The following SCN8A variants were observed in gnomAD, a reference collection of about 807,000 sequenced individuals.
SCN8A encodes sodium channel protein type 8 subunit alpha.
A neutral mutation model predicts 184.1 loss-of-function variants in SCN8A; 30 were observed. That is an observed-to-expected ratio of 0.16 (90% CI 0.12 to 0.22). The LOEUF (loss-of-function observed/expected upper bound fraction) is 0.22. Ranked by LOEUF, SCN8A falls within the 10% of genes least tolerant of loss-of-function variation. SCN8A has a pLI of 1.00. For missense variants in SCN8A, 1,057 were observed against 2,498.9 expected (o/e 0.42, Z 12.30); for synonymous variants, 852 against 907.0 (o/e 0.94, Z 1.09).
At chr12:51,631,260 T>C (rs1940190698) in intron 1 of SCN8A, among the ~76,000 whole-genome samples, 1 of 152,322 alleles carries the variant, frequency 6.6e-6, no homozygotes, top group East Asian at 1.9e-4. Context: ...TCCTCCCTGC[T>C]GGGAGCAGGT....
chr12:51,722,031 G>A (rs1175129184), intron 12 of SCN8A, 123 bp downstream of exon 12: 2 of 1,530,544 alleles, frequency 1.3e-6, no homozygotes, highest in African/African-American at 1.4e-5. Context: ...CATCCCACTT[G>A]GTCTGTCTGG....
At chr12:51,657,974 G>A (rs1459832993) in intron 1 of SCN8A, among the ~76,000 whole-genome samples, 2 of 152,002 alleles carry the variant, frequency 1.3e-5, no homozygotes, top group Non-Finnish European at 2.9e-5. Flanking sequence ...CCATTGGTCT[G>A]TGTGTCTTTT....
intron 8 of SCN8A, 49 bp from the exon 9 acceptor site, chr12:51,702,724 C>T (rs1418723768): frequency 6.9e-7 from 1 of 1,443,980 alleles, no homozygotes. Context: ...AAGGTCATGG[C>T]TGGGTGGAAT....
At chr12:51,655,921 A>T (rs909863433) in intron 1 of SCN8A, among the ~76,000 whole-genome samples, 2 of 152,224 alleles carry the variant, frequency 1.3e-5, no homozygotes, top group East Asian at 3.8e-4. Context: ...TGAAAAGAAC[A>T]TTATATTGGA....
intron 12 of SCN8A, among the ~76,000 whole-genome samples, chr12:51,736,218 T>C (rs1446911322): frequency 1.3e-5 from 2 of 152,224 alleles, no homozygotes; most frequent in Admixed American, 6.5e-5. Context: ...TTGGCTAGTA[T>C]AGCCTGGGGC....
At position 51,807,352 on chromosome 12, in the gene SCN8A, G is replaced by A; in HGVS notation, c.5866G>A (p.Glu1956Lys). ...SYDSVTKPEK[E>K]KQQRAEEGRR... ...TGACAGTGTAACTAAACCTGAAAAG[G>A]AGAAACAGCAGCGGGCAGAGGAAGG... The change falls in exon 27 of 27, where the codon GAG (glutamate) becomes AAG (lysine). Residue 1956 changes from glutamate (E) to lysine (K), a missense_variant. This residue lies in a region of SCN8A where 95 missense variants were observed against 140.2 expected (regional missense o/e 0.68). Transcript: ENST00000627620. The surrounding 1 kb of genome is among the most constrained non-coding windows in gnomAD (Gnocchi z 4.5). 1 of 1,613,778 alleles carries A rather than the reference G, an allele frequency of 6.2e-7. No homozygotes were observed. Among genetic ancestry groups the A allele is most frequent in the Non-Finnish European group, 8.5e-7 (1 of 1,179,808 alleles).
intron 1 of SCN8A, among the ~76,000 whole-genome samples, chr12:51,636,610 C>T (rs1047078131): frequency 3.9e-5 from 6 of 152,132 alleles, no homozygotes; most frequent in African/African-American, 1.2e-4. Context: ...ACCTCAAAAC[C>T]GCTGGGTCTG....
intron 25 of SCN8A, among the ~76,000 whole-genome samples, chr12:51,791,348 C>T (rs948899168): frequency 3.9e-5 from 6 of 152,136 alleles, no homozygotes; most frequent in South Asian, 2.1e-4. Flanking sequence ...CCCCACACGC[C>T]GCACGTGGTA....
chr12:51,684,021 C>T (rs1435691072), intron 2 of SCN8A, 153 bp from the exon 3 acceptor site: 5 of 657,996 alleles, frequency 7.6e-6, no homozygotes, highest in Non-Finnish European at 1.4e-5. Flanking sequence ...GTGGGGCAAA[C>T]ATTGTGTTAA....
At chr12:51,780,502 G>A (rs931104041) in intron 20 of SCN8A, 147 bp from the exon 21 acceptor site, 4 of 558,250 alleles carry the variant, frequency 7.2e-6, no homozygotes, top group Non-Finnish European at 5.7e-6. Flanking sequence ...TACCTGGGGG[G>A]CCCAATCTGT....
chr12:51,791,228 G>A (rs536867364), intron 25 of SCN8A, among the ~76,000 whole-genome samples: 2 of 152,232 alleles, frequency 1.3e-5, no homozygotes, highest in South Asian at 2.1e-4. Flanking sequence ...AAAAAACCCA[G>A]CAGAACCTTT....
intron 1 of SCN8A, among the ~76,000 whole-genome samples, chr12:51,600,669 G>A (rs1372767945): frequency 6.6e-6 from 1 of 152,072 alleles, no homozygotes; most frequent in African/African-American, 2.4e-5. Context: ...CAGGGAGCTT[G>A]GGTTCTGCTA....
chr12:51,666,100 C>G (rs1941027843), intron 2 of SCN8A, among the ~76,000 whole-genome samples: 1 of 151,954 alleles, frequency 6.6e-6, no homozygotes, highest in South Asian at 2.1e-4. Context: ...CCTAAAGAAG[C>G]AGAGTCAGTT....
At chr12:51,730,740 T>C (rs1235572170) in intron 12 of SCN8A, among the ~76,000 whole-genome samples, 2 of 152,264 alleles carry the variant, frequency 1.3e-5, no homozygotes, top group Non-Finnish European at 2.9e-5. Flanking sequence ...TTTTCAAATG[T>C]AGAATTAAAT....
chr12:51,596,082 G>C (rs1016539816), intron 1 of SCN8A, among the ~76,000 whole-genome samples: 7 of 152,188 alleles, frequency 4.6e-5, no homozygotes, highest in Non-Finnish European at 1.0e-4. Flanking sequence ...AGGTGAAATG[G>C]ACTCAAAGGC....
intron 25 of SCN8A, among the ~76,000 whole-genome samples, chr12:51,791,285 A>G (rs2138913246): frequency 6.6e-6 from 1 of 152,366 alleles, no homozygotes; most frequent in South Asian, 2.1e-4. Flanking sequence ...ATAAAAGTAG[A>G]GTGACTATGT....
rs1938909072 is a variant in SCN8A at position 51,811,759 on chromosome 12, CTG to C, written c.*4331_*4332del. The C allele has an allele frequency of 1.3e-5, 2 of 152,450 alleles. No individual in the cohort carries two copies. Among genetic ancestry groups the C allele is most frequent in the African/African-American group, 4.8e-5 (2 of 41,480 alleles). The allele number at this position is 152,450 out of a possible 1,614,324, so 9.4% of individuals were successfully genotyped here. On this transcript the variant is annotated 3_prime_UTR_variant, in exon 27 of 27. Transcript: ENST00000627620. The stretch of plus-strand genomic sequence containing the variant: ...TCTAGTCCGCTCCAGTAGCTCCACT[CTG>C]GAGCGAGATGGCTGGTAGGTCAGTC...
intron 11 of SCN8A, among the ~76,000 whole-genome samples, chr12:51,716,090 T>G (rs1565897675): frequency 6.6e-6 from 1 of 152,182 alleles, no homozygotes; most frequent in African/African-American, 2.4e-5. Flanking sequence ...TCTCAGCACT[T>G]TGGGAGGCCA....
intron 2 of SCN8A, among the ~76,000 whole-genome samples, chr12:51,671,519 C>T (rs935038953): frequency 6.6e-6 from 1 of 152,134 alleles, no homozygotes; most frequent in Non-Finnish European, 1.5e-5. Flanking sequence ...CTGTTGGTTT[C>T]TCCAGGGTGT....
Sources: allele counts gnomAD v4.1 joint callset (sites outside exome capture counted in the v4.1 genomes callset), GRCh38; gene constraint gnomAD v4.1.1; regional missense constraint gnomAD v4.1.1; non-coding constraint Gnocchi (gnomAD v3.1); transcripts MANE v1.5; gene names NCBI Gene and HGNC (gene_info 2026-07-23, HGNC 2026-07-21).